OGDHL: variants seen among roughly 807,000 people sequenced by gnomAD.
The protein encoded by OGDHL is oxoglutarate dehydrogenase L, also known as 2-oxoglutarate dehydrogenase-like, mitochondrial.
Under a neutral mutation model 109.6 loss-of-function variants are expected in OGDHL, and 79 were observed. That is an observed-to-expected ratio of 0.72 (90% CI 0.60 to 0.87). The LOEUF (loss-of-function observed/expected upper bound fraction) is 0.87. OGDHL is among the 40% of genes least tolerant of loss of function. OGDHL has a pLI of 0.00. For synonymous variants in OGDHL, 528 were observed against 537.2 expected (o/e 0.98, Z 0.24); for missense variants, 1,275 against 1,362.2 (o/e 0.94, Z 1.01).
In OGDHL at chr10:49,751,836, C is replaced by A; in HGVS notation, c.740G>T (p.Arg247Leu). 6.2e-7 allele frequency: 1 copy of A among 1,613,560 alleles called. No individual in the cohort carries two copies. Residue 247 changes from arginine (R) to leucine (L), a missense_variant, in exon 6 of 23, where the codon CGC becomes CTC. Physicochemically the swap from Arg to Leu is moderately radical, Grantham distance 102 (BLOSUM62 -2). Coordinates refer to ENST00000374103, the MANE Select transcript of OGDHL (RefSeq NM_018245.3). Reference sequence around the variant, plus strand: ...TCCAGGTGGTGCCAACCTCATGGAGCGCACTAGCCGGGCCAGCAGGGTCCG... The same window carrying A: ...TCCAGGTGGTGCCAACCTCATGGAGAGCACTAGCCGGGCCAGCAGGGTCCG... Reference protein sequence around the residue: ...EKRTLLARLVRSMRFEDFLAR... With the variant: ...EKRTLLARLVLSMRFEDFLAR...
intron 3 of OGDHL, among the ~76,000 whole-genome samples, chr10:49,752,981 G>A (rs999444499): frequency 2.0e-5 from 3 of 152,262 alleles, no homozygotes; most frequent in South Asian, 2.1e-4. Context: ...AAAGACCTAT[G>A]CACAAAGGTG....
At chr10:49,743,957 C>A in intron 14 of OGDHL, 37 bp downstream of exon 14, 2 of 1,600,552 alleles carry the variant, frequency 1.2e-6, no homozygotes, top group Non-Finnish European at 1.7e-6. Context: ...TGGGGTGGGG[C>A]CAGCAGCCTG....
intron 1 of OGDHL, among the ~76,000 whole-genome samples, chr10:49,758,856 C>T (rs1843085159): frequency 6.6e-6 from 1 of 152,174 alleles, no homozygotes; most frequent in Admixed American, 6.5e-5. Flanking sequence ...CATCCCAGAC[C>T]ACACTCCTTC....
chr10:49,746,825 T>C lies in OGDHL; in HGVS notation c.1221A>G (p.Val407=), dbSNP rs1590726338. ...GGTCGCTCAGGTGGAAGGTCTCATA[T>C]ACCACGCCCTGGCCAGCAAAGGCGG... The part of the protein sequence containing the change: ...GDAAFAGQGV[V]YETFHLSDLP... The change falls in exon 10 of 23, where the codon GTA becomes GTG. Residue 407 remains valine, a synonymous_variant. Transcript: ENST00000374103. The C allele has an allele frequency of 6.2e-7, 1 of 1,614,140 alleles. No individual in the cohort carries two copies. The highest frequency in any genetic ancestry group is 8.5e-7 in the Non-Finnish European group (1 of 1,180,006).
intron 8 of OGDHL, 118 bp from the exon 9 acceptor site, chr10:49,747,326 A>AGTGG: frequency 9.1e-7 from 1 of 1,093,466 alleles, no homozygotes; most frequent in Non-Finnish European, 1.3e-6. Flanking sequence ...CCACTGCCTC[A>AGTGG]GAGGGCCAAG....
intron 11 of OGDHL, 130 bp downstream of exon 11, chr10:49,745,667 CT>C: frequency 1.5e-6 from 2 of 1,310,670 alleles, no homozygotes; most frequent in Non-Finnish European, 2.1e-6. Context: ...ACAGATTGCT[CT>C]TGGTGGCATA....
At chr10:49,745,608 G>T in intron 11 of OGDHL, 112 bp from the exon 12 acceptor site, 2 of 1,402,904 alleles carry the variant, frequency 1.4e-6, no homozygotes, top group Non-Finnish European at 2.0e-6. Flanking sequence ...AGCCCTTTGA[G>T]CTCCACTATC....
At position 49,740,754 on chromosome 10, in the gene OGDHL, G is replaced by A. The variant is rs767987931; in HGVS notation, c.2096C>T (p.Pro699Leu). The A allele has an allele frequency of 9.3e-6, 15 of 1,613,750 alleles. No homozygotes were observed. The highest frequency in any genetic ancestry group is 4.5e-5 in the East Asian group (2 of 44,890). Residue 699 changes from proline to leucine, a missense_variant, in exon 16 of 23, where the codon CCG (proline) becomes CTG (leucine). Transcript: ENST00000374103. ...GAGGGAGCTGTTGCACACGGTGTAC[G>A]GGGCCTGGTCAGGCCAGAGATGATT... ...PMNHLWPDQA[P>L]YTVCNSSLSE...
chr10:49,748,817 T>C (rs1268176234), intron 8 of OGDHL, among the ~76,000 whole-genome samples: 2 of 148,152 alleles, frequency 1.3e-5, no homozygotes, highest in Non-Finnish European at 3.0e-5. Flanking sequence ...GGAGAGATAG[T>C]CCTGAGGGCA....
chr10:49,744,056 A>G lies in OGDHL; in HGVS notation c.1799T>C (p.Met600Thr), dbSNP rs748963315. Reference protein sequence around the residue: ...TCPATGIPEDMLTHIGSVASS... With the variant: ...TCPATGIPEDTLTHIGSVASS... ...GGCCACACTGCCGATGTGGGTGAGC[A>G]TGTCCTCAGGGATCCCCGTGGCTGG... Residue 600 changes from methionine (M) to threonine (T), a missense_variant, in exon 14 of 23, where the codon ATG becomes ACG. Met to Thr is a moderately conservative substitution (Grantham distance 81). Transcript: ENST00000374103. 6.2e-6 allele frequency: 10 copies of G among 1,614,138 alleles called. No individual in the cohort carries two copies. Among genetic ancestry groups the G allele is most frequent in the Admixed American group, 1.7e-5 (1 of 60,016 alleles).
In OGDHL at chr10:49,756,936, C is replaced by G; in HGVS notation, c.215G>C (p.Ser72Thr). 1.2e-6 allele frequency: 2 copies of G among 1,613,334 alleles called. No homozygotes were observed. Among genetic ancestry groups the G allele is most frequent in the Non-Finnish European group, 1.7e-6 (2 of 1,179,704 alleles). Reference protein sequence around the residue: ...NPQSVHKSWDSFFREASEEAF... With the variant: ...NPQSVHKSWDTFFREASEEAF... ...TTCCTCGCTGGCTTCCCTGAAGAAG[C>G]TGTCCCAGGACTAGGCAGGGCAGAA... is the stretch of plus-strand genomic sequence containing the variant. The change falls in exon 3 of 23, where the codon AGC becomes ACC. Residue 72 changes from serine (S) to threonine (T), a missense_variant. Coordinates refer to ENST00000374103, the MANE Select transcript of OGDHL (RefSeq NM_018245.3).
chr10:49,749,797 C>CCAG lies in OGDHL; in HGVS notation c.913_915dup (p.Leu305dup), dbSNP rs1033946795. ...TCCAGGTCCTTGCGGATCACGTTGG[C>CCAG]CAGCACGTTCAGCCTTCCCCTGGAG... On this transcript the variant is annotated inframe_insertion, in exon 8 of 23. Coordinates refer to ENST00000374103, the MANE Select transcript of OGDHL (RefSeq NM_018245.3). 1.3e-6 allele frequency: 2 copies of CCAG among 1,599,240 alleles called. No individual in the cohort carries two copies. The highest frequency in any genetic ancestry group is 3.4e-5 in the Admixed American group (2 of 59,066).
In OGDHL at chr10:49,758,369, G is replaced by C; in HGVS notation, c.204+20C>G. The C allele has an allele frequency of 5.6e-6, 9 of 1,595,506 alleles. No homozygotes were observed. Among genetic ancestry groups the C allele is most frequent in the Non-Finnish European group, 7.7e-6 (9 of 1,168,958 alleles). On this transcript the variant is annotated intron_variant, in intron 2 of 22. Coordinates refer to ENST00000374103, the MANE Select transcript of OGDHL (RefSeq NM_018245.3). ...GCTTCCCTCCCTTGCGGTGGCCCAG[G>C]GTAGGGTGGGGATGCTGACCTTGTG...
At position 49,758,518 on chromosome 10, in the gene OGDHL, C is replaced by A. The variant is rs149391137; in HGVS notation, c.75G>T (p.Pro25=). 1 of 1,613,872 alleles carries A rather than the reference C, an allele frequency of 6.2e-7. No homozygotes were observed. The highest frequency in any genetic ancestry group is 1.3e-5 in the African/African-American group (1 of 75,044). ...AARLLAAHDV[P]VFGWRSRSSG... ...AGGACCTGCTGCGCCAGCCAAACAC[C>A]GGGACGTCATGTGCAGCCAGGAGCC... Residue 25 remains proline (P), a synonymous_variant, in exon 2 of 23, where the codon CCG becomes CCT. Coordinates refer to ENST00000374103, the MANE Select transcript of OGDHL (RefSeq NM_018245.3).
At chr10:49,758,287 TCA>T in intron 2 of OGDHL, 100 bp downstream of exon 2, 1 of 1,199,446 alleles carries the variant, frequency 8.3e-7, no homozygotes, top group Non-Finnish European at 1.2e-6. Context: ...CTGCCCAGGA[TCA>T]CACAGCAGGC....
intron 17 of OGDHL, 33 bp from the exon 18 acceptor site, chr10:49,738,295 C>A: frequency 6.2e-7 from 1 of 1,610,570 alleles, no homozygotes. Flanking sequence ...CAAGGCTGGA[C>A]CCCACCATGG....
At chr10:49,739,945 T>C (rs1841523645) in intron 16 of OGDHL, 106 bp from the exon 17 acceptor site, 2 of 1,205,944 alleles carry the variant, frequency 1.7e-6, no homozygotes, top group Non-Finnish European at 1.1e-6. Flanking sequence ...CCACCCATCC[T>C]TCTCACAAGC....
At chr10:49,744,611 C>T (rs776915675) in intron 13 of OGDHL, 39 bp downstream of exon 13, 26 of 1,529,148 alleles carry the variant, frequency 1.7e-5, no homozygotes, top group Non-Finnish European at 2.4e-5. Context: ...GACCTCAAGG[C>T]CCAGGGGAGT....
chr10:49,749,736 G>A lies in OGDHL; in HGVS notation c.977C>T (p.Ala326Val), dbSNP rs761031606. ...IFCQFDPKLE[A>V]ADEGSGDVKY... ...GGGCATGGCACCCACCTCGTCCGCC[G>A]CCTCCAGCTTGGGGTCAAACTGGCA... The change falls in exon 8 of 23, where the codon GCG becomes GTG. Residue 326 changes from alanine (A) to valine (V), a missense_variant. Transcript: ENST00000374103. 8.2e-6 allele frequency: 13 copies of A among 1,592,120 alleles called. No individual in the cohort carries two copies. The highest frequency in any genetic ancestry group is 2.3e-5 in the East Asian group (1 of 44,192).
Sources: gnomAD v4.1 joint callset for allele counts (sites outside exome capture counted in the v4.1 genomes callset) on GRCh38, gnomAD v4.1.1 for gene constraint, MANE v1.5 for transcripts, NCBI Gene and HGNC (gene_info 2026-07-23, HGNC 2026-07-21) for gene names.